TBL1XR1: variants seen among roughly 807,000 people sequenced by gnomAD.
TBL1XR1 encodes the protein TBL1X/Y related 1.
Under a neutral mutation model 66.9 loss-of-function variants are expected in TBL1XR1, and 5 were observed. That is an observed-to-expected ratio of 0.07 (90% CI 0.04 to 0.16). The LOEUF (loss-of-function observed/expected upper bound fraction) is 0.16. Ranked by LOEUF, TBL1XR1 falls within the 10% of genes least tolerant of loss-of-function variation. The pLI, the probability that TBL1XR1 is intolerant of heterozygous loss-of-function variation, is 1.00. For synonymous variants in TBL1XR1, 210 were observed against 206.0 expected (o/e 1.02, Z -0.17); for missense variants, 238 against 623.2 (o/e 0.38, Z 6.58).
chr3:177,196,138 C>G (rs1263415753), intron 1 of TBL1XR1, among the ~76,000 whole-genome samples: 2 of 152,150 alleles, frequency 1.3e-5, no homozygotes, highest in African/African-American at 4.8e-5. Flanking sequence ...AAATTAAGAA[C>G]TTCCAAAAAT....
intron 1 of TBL1XR1, among the ~76,000 whole-genome samples, chr3:177,171,134 T>G (rs991314982): frequency 4.1e-5 from 6 of 147,052 alleles, no homozygotes; most frequent in African/African-American, 1.5e-4. Flanking sequence ...TGAGGTCAGG[T>G]GTTTAAGACA....
At chr3:177,128,398 GGGT>G (rs1727900950) in intron 1 of TBL1XR1, among the ~76,000 whole-genome samples, 2 of 152,132 alleles carry the variant, frequency 1.3e-5, no homozygotes, top group Non-Finnish European at 2.9e-5. Flanking sequence ...TTTGGAGACA[GGGT>G]CTTTCTCTGT....
chr3:177,106,035 GACAA>G (rs1458804215), intron 1 of TBL1XR1, among the ~76,000 whole-genome samples: 2 of 151,788 alleles, frequency 1.3e-5, no homozygotes, highest in Admixed American at 6.6e-5. Flanking sequence ...GATTAATGAT[GACAA>G]ACAAAAGATA....
chr3:177,135,948 G>A (rs1318935821), intron 1 of TBL1XR1, among the ~76,000 whole-genome samples: 1 of 151,646 alleles, frequency 6.6e-6, no homozygotes. Flanking sequence ...TCCCAATGAG[G>A]AAATTACCTA....
At chr3:177,118,257 TTC>T (rs1236106826) in intron 1 of TBL1XR1, among the ~76,000 whole-genome samples, 1 of 152,218 alleles carries the variant, frequency 6.6e-6, no homozygotes, top group East Asian at 1.9e-4. Context: ...TTCTTGAACA[TTC>T]ATTCATTCAT....
chr3:177,051,456 T>A (rs970728224), intron 5 of TBL1XR1, 48 bp downstream of exon 5: 11 of 1,510,674 alleles, frequency 7.3e-6, no homozygotes, highest in Non-Finnish European at 8.9e-6. Context: ...TTTAAAAAAA[T>A]AAATAAATAA....
At chr3:177,196,056 T>C (rs1162818604) in intron 1 of TBL1XR1, among the ~76,000 whole-genome samples, 2 of 152,180 alleles carry the variant, frequency 1.3e-5, no homozygotes, top group African/African-American at 4.8e-5. Flanking sequence ...ACCCAAATTT[T>C]ACATGAAATA....
intron 1 of TBL1XR1, among the ~76,000 whole-genome samples, chr3:177,163,422 T>TC (rs1732453150): frequency 6.6e-6 from 1 of 150,962 alleles, no homozygotes; most frequent in South Asian, 2.1e-4. Context: ...GGCAGAAGAA[T>TC]CACATGAAAC....
chr3:177,133,202 G>C (rs2108792796), intron 1 of TBL1XR1, among the ~76,000 whole-genome samples: 1 of 152,260 alleles, frequency 6.6e-6, no homozygotes, highest in South Asian at 2.1e-4. Context: ...CACAAGAATA[G>C]CTTGAACCTG....
In TBL1XR1 at chr3:177,024,934, ATTT is replaced by A. The variant is rs1412833128; in HGVS notation, c.*561_*563del. The A allele has an allele frequency of 1.3e-5, 2 of 152,628 alleles. No individual in the cohort carries two copies. The highest frequency in any genetic ancestry group is 6.6e-5 in the Admixed American group (1 of 15,246). The allele number at this position is 152,628 out of a possible 1,614,324, so 9.5% of individuals were successfully genotyped here. ...AGAATGCATTAAAATATTTTAAAGA[ATTT>A]TTTGTTTAAAAGGTGAAAAAAATAT... On this transcript the variant is annotated 3_prime_UTR_variant, in exon 16 of 16. Transcript: ENST00000457928.
chr3:177,185,862 T>C (rs901730694), intron 1 of TBL1XR1, among the ~76,000 whole-genome samples: 28 of 151,764 alleles, frequency 1.8e-4, no homozygotes, highest in African/African-American at 6.0e-4. Context: ...AATAAAAAAA[T>C]TGGCTGGGCA....
chr3:177,133,901 A>C (rs1728606406), intron 1 of TBL1XR1, among the ~76,000 whole-genome samples: 1 of 148,782 alleles, frequency 6.7e-6, no homozygotes, highest in African/African-American at 2.5e-5. Flanking sequence ...AAAAAGTAAC[A>C]CTCCATGTTA....
chr3:177,114,451 C>T (rs532100126), intron 1 of TBL1XR1, among the ~76,000 whole-genome samples: 1 of 152,022 alleles, frequency 6.6e-6, no homozygotes, highest in African/African-American at 2.4e-5. Context: ...CAAGTAGCTG[C>T]CCAGCAAGAC....
chr3:177,083,635 A>C (rs1230346517), intron 2 of TBL1XR1, among the ~76,000 whole-genome samples: 1 of 152,230 alleles, frequency 6.6e-6, no homozygotes, highest in South Asian at 2.1e-4. Flanking sequence ...AAAAAAATGA[A>C]TATCCACATA....
chr3:177,189,552 G>A (rs1577438756), intron 1 of TBL1XR1, among the ~76,000 whole-genome samples: 2 of 151,500 alleles, frequency 1.3e-5, no homozygotes, highest in African/African-American at 4.9e-5. Flanking sequence ...CTACTTGGGA[G>A]GCTAAGGCAG....
chr3:177,095,090 G>A (rs1357826949), intron 2 of TBL1XR1, among the ~76,000 whole-genome samples: 2 of 151,042 alleles, frequency 1.3e-5, no homozygotes, highest in Non-Finnish European at 2.9e-5. Flanking sequence ...GAATCATCAC[G>A]AGATTATGTT....
At chr3:177,175,950 A>G (rs1005494592) in intron 1 of TBL1XR1, among the ~76,000 whole-genome samples, 1 of 151,432 alleles carries the variant, frequency 6.6e-6, no homozygotes. Flanking sequence ...CCAGCTACTC[A>G]GGAGGCTGAG....
At chr3:177,169,806 A>T (rs1733245404) in intron 1 of TBL1XR1, among the ~76,000 whole-genome samples, 1 of 152,238 alleles carries the variant, frequency 6.6e-6, no homozygotes, top group Non-Finnish European at 1.5e-5. Context: ...AAAGATCAGG[A>T]GATGAAGAGT....
intron 2 of TBL1XR1, among the ~76,000 whole-genome samples, chr3:177,069,800 G>GGAAGGAA (rs1453503973): frequency 6.5e-5 from 6 of 92,260 alleles, no homozygotes; most frequent in African/African-American, 2.3e-4. Context: ...AGGAAAGGAA[G>GGAAGGAA]GAAGGAAGGA....
Sources: allele counts gnomAD v4.1 joint callset (sites outside exome capture counted in the v4.1 genomes callset), GRCh38; gene constraint gnomAD v4.1.1; transcripts MANE v1.5; gene names NCBI Gene and HGNC (gene_info 2026-07-23, HGNC 2026-07-21).